CACNA2D2: variants seen among roughly 807,000 people sequenced by gnomAD.
The protein encoded by CACNA2D2 is voltage-dependent calcium channel subunit alpha-2/delta-2.
Under a neutral mutation model 166.4 loss-of-function variants are expected in CACNA2D2, and 48 were observed. The observed-to-expected ratio is 0.29, with a 90% CI of 0.23 to 0.37. The LOEUF is 0.37. Ranked by LOEUF, CACNA2D2 falls within the 10% of genes least tolerant of loss-of-function variation. CACNA2D2 has a pLI of 1.00. For missense variants in CACNA2D2, 1,122 were observed against 1,433.0 expected (o/e 0.78, Z 3.50); for synonymous variants, 561 against 573.7 (o/e 0.98, Z 0.32).
chr3:50,468,098 A>C (rs1709897075), intron 2 of CACNA2D2, among the ~76,000 whole-genome samples: 1 of 152,242 alleles, frequency 6.6e-6, no homozygotes, highest in Non-Finnish European at 1.5e-5. Flanking sequence ...GGAGGAATGC[A>C]GATTGGGTCA....
In CACNA2D2 at chr3:50,468,829, C is replaced by CTCT. The variant is rs573984547; in HGVS notation, c.288+7288_288+7289insAGA. On this transcript the variant is annotated intron_variant, in intron 2 of 37. Coordinates refer to ENST00000424201, the MANE Select transcript of CACNA2D2 (RefSeq NM_006030.4). Reference sequence around the variant, plus strand: ...TACTCCATTCCATCCCCTTCTCTCTCTTTTTTTTTTTTTTTTTGAGATAGA... The same window carrying CTCT: ...TACTCCATTCCATCCCCTTCTCTCTCTCTTTTTTTTTTTTTTTTTTGAGATAGA... Among the ~76,000 whole-genome samples the CTCT allele has an allele frequency of 6.7e-3, 887 of 133,084 alleles. 13 individuals carry two copies. Among genetic ancestry groups the CTCT allele is most frequent in the East Asian group, 0.045 (201 of 4,474 alleles). 87.3% of individuals were successfully genotyped at this position (133,084 alleles called of 152,430 possible). A position where few individuals can be genotyped will look rare whatever the true frequency, so the allele number is the denominator to read the frequency against.
chr3:50,480,543 A>G (rs114246809), intron 1 of CACNA2D2, among the ~76,000 whole-genome samples: 1,750 of 151,836 alleles, frequency 0.012, 37 homozygotes, highest in African/African-American at 0.04. Context: ...GCAGGTAAGA[A>G]GATGACACCC....
At chr3:50,465,813 G>A (rs1709805231) in intron 2 of CACNA2D2, among the ~76,000 whole-genome samples, 1 of 152,144 alleles carries the variant, frequency 6.6e-6, no homozygotes, top group Non-Finnish European at 1.5e-5. Flanking sequence ...TTGTACTGTA[G>A]AAAGCTCCCT....
intron 2 of CACNA2D2, among the ~76,000 whole-genome samples, chr3:50,458,948 C>T (rs1318178325): frequency 6.6e-6 from 1 of 152,242 alleles, no homozygotes; most frequent in East Asian, 1.9e-4. Context: ...CCTCCATCAA[C>T]TCTCTAGGCT....
chr3:50,443,570 G>A (rs1309963928), intron 2 of CACNA2D2, among the ~76,000 whole-genome samples: 4 of 152,284 alleles, frequency 2.6e-5, no homozygotes, highest in African/African-American at 4.8e-5. Context: ...AGACTAGCCC[G>A]GCCTGCCCTT....
rs1699077073 is a variant in CACNA2D2 at position 50,503,512 on chromosome 3, C to G, written c.-89G>C. 1.2e-5 allele frequency: 2 copies of G among 168,264 alleles called. No homozygotes were observed. The highest frequency in any genetic ancestry group is 3.4e-4 in the South Asian group (2 of 5,804). 10.4% of individuals were successfully genotyped at this position (168,264 alleles called of 1,614,324 possible). On this transcript the variant is annotated 5_prime_UTR_variant, in exon 1 of 38. Transcript: ENST00000424201. ...GGGTTGGGGGGGCGCGGGCGGCGGGCGGTAACTCGGCCTCTCCTCCGCCGC... is the reference window on the plus strand; with the variant it reads ...GGGTTGGGGGGGCGCGGGCGGCGGGGGGTAACTCGGCCTCTCCTCCGCCGC...
intron 23 of CACNA2D2, among the ~76,000 whole-genome samples, chr3:50,369,246 T>C (rs1704520030): frequency 6.6e-6 from 1 of 152,258 alleles, no homozygotes; most frequent in Admixed American, 6.5e-5. Flanking sequence ...AGTATGCACG[T>C]GCACATTTGT....
At chr3:50,411,110 A>G (rs1164679010) in intron 3 of CACNA2D2, among the ~76,000 whole-genome samples, 2 of 152,086 alleles carry the variant, frequency 1.3e-5, no homozygotes, top group East Asian at 3.9e-4. Flanking sequence ...CAGGACCTAT[A>G]GGCTCCACCA....
At chr3:50,461,745 C>CAAAAAAAAAAAAAAAA (rs561980044) in intron 2 of CACNA2D2, among the ~76,000 whole-genome samples, 1 of 40,582 alleles carries the variant, frequency 2.5e-5, no homozygotes. Context: ...TGGGGAGTCT[C>CAAAAAAAAAAAAAAAA]AAAAAAAAAA....
At position 50,460,182 on chromosome 3, in the gene CACNA2D2, A is replaced by G. The variant is rs867047449; in HGVS notation, c.288+15936T>C. Among the ~76,000 whole-genome samples the G allele has an allele frequency of 2.6e-5, 4 of 152,252 alleles. No homozygotes were observed. In the South Asian group the frequency reaches 6.2e-4, roughly 24 times the overall value. ...AAAAGGAGACTAGGGAGACATGACA[A>G]CTAAATGCAAAGTGGTTCCTTGGAT... On this transcript the variant is annotated intron_variant, in intron 2 of 37. Transcript: ENST00000424201.
chr3:50,370,033 G>C (rs1704570542), intron 23 of CACNA2D2, among the ~76,000 whole-genome samples: 1 of 152,230 alleles, frequency 6.6e-6, no homozygotes. Context: ...GGCGGAAAGG[G>C]CTCCTGCCTG....
In CACNA2D2 at chr3:50,376,705, C is replaced by T. The variant is rs587611090; in HGVS notation, c.1627-517G>A. 2.6e-5 allele frequency among the ~76,000 whole-genome samples: 4 copies of T among 152,312 alleles called. No homozygotes were observed. The East Asian group carries it at 7.7e-4, about 29-fold the overall frequency. On this transcript the variant is annotated intron_variant, in intron 17 of 37. Coordinates refer to ENST00000424201, the MANE Select transcript of CACNA2D2 (RefSeq NM_006030.4). The surrounding 1 kb of genome is among the most constrained non-coding windows in gnomAD (Gnocchi z 4.3). The stretch of plus-strand genomic sequence containing the variant: ...CTTACCTCCCCCAGTCAGTTTCTTA[C>T]TGTACCTGGAGGCCAACTGCCACAG...
rs34908525 is a variant in CACNA2D2, at chr3:50,410,480, T to TGGGG, written c.406-16316_406-16313dup. 2.4e-3 allele frequency among the ~76,000 whole-genome samples: 339 copies of TGGGG among 141,244 alleles called. 2 individuals are homozygous for TGGGG. The highest frequency in any genetic ancestry group is 5.7e-3 in the African/African-American group (217 of 38,148). The allele number at this position is 141,244 out of a possible 152,430, so 92.7% of individuals were successfully genotyped here. On this transcript the variant is annotated intron_variant, in intron 3 of 37. Transcript: ENST00000424201. The stretch of plus-strand genomic sequence containing the variant: ...CCACAGAGCTGGGTGCTCCCTGGGA[T>TGGGG]GGGGGGGGGGGTGTTGTCTTTGTGC...
In CACNA2D2 at chr3:50,370,387, C is replaced by T; in HGVS notation, c.1985-7G>A. 6.4e-7 allele frequency: 1 copy of T among 1,569,322 alleles called. No homozygotes were observed. The highest frequency in any genetic ancestry group is 8.6e-7 in the Non-Finnish European group (1 of 1,160,170). ...GGGAGCAGGAACTCAAAATCTGCAA[C>T]AGAAACGGGGGGTTATCCGGCGGGG... On this transcript the variant is annotated splice_polypyrimidine_tract_variant and splice_region_variant and intron_variant, in intron 22 of 37. Transcript: ENST00000424201.
At chr3:50,409,179 G>A (rs1706869222) in intron 3 of CACNA2D2, among the ~76,000 whole-genome samples, 2 of 152,196 alleles carry the variant, frequency 1.3e-5, no homozygotes, top group South Asian at 4.1e-4. Flanking sequence ...CAGGCAGACT[G>A]GCCACATTAA....
At chr3:50,416,546 G>A (rs1457529791) in intron 3 of CACNA2D2, among the ~76,000 whole-genome samples, 1 of 152,214 alleles carries the variant, frequency 6.6e-6, no homozygotes, top group Non-Finnish European at 1.5e-5. Flanking sequence ...CTGAGGGGAG[G>A]GCAGACAGGA....
intron 2 of CACNA2D2, among the ~76,000 whole-genome samples, chr3:50,467,491 T>C (rs1287925098): frequency 6.6e-6 from 1 of 152,146 alleles, no homozygotes; most frequent in Non-Finnish European, 1.5e-5. Context: ...TACTGAATAG[T>C]TACTAGCTGG....
chr3:50,399,221 TG>T (rs1575628603), intron 3 of CACNA2D2, among the ~76,000 whole-genome samples: 1 of 152,204 alleles, frequency 6.6e-6, no homozygotes, highest in African/African-American at 2.4e-5. Context: ...AGCCCTCACC[TG>T]GGAGTCCCTC....
At position 50,377,816 on chromosome 3, in the gene CACNA2D2, G is replaced by A. The variant is rs1227751608; in HGVS notation, c.1480-13C>T. 6.2e-7 allele frequency: 1 copy of A among 1,609,784 alleles called. No homozygotes were observed. The highest frequency in any genetic ancestry group is 1.1e-5 in the South Asian group (1 of 90,554). On this transcript the variant is annotated splice_polypyrimidine_tract_variant and intron_variant, in intron 15 of 37. Transcript: ENST00000424201. ...CCAACCCCAGTCCCTGAAGGGAGAG[G>A]AAGATGATGGAGTCACCTGTGGCCA... is the stretch of plus-strand genomic sequence containing the variant.
Sources: allele counts gnomAD v4.1 joint callset (sites outside exome capture counted in the v4.1 genomes callset), GRCh38; gene constraint gnomAD v4.1.1; non-coding constraint Gnocchi (gnomAD v3.1); transcripts MANE v1.5; gene names NCBI Gene and HGNC (gene_info 2026-07-23, HGNC 2026-07-21).